Variants in SRD5A2 observed in about 807,000 individuals in gnomAD.
SRD5A2 encodes 3-oxo-5-alpha-steroid 4-dehydrogenase 2.
A neutral mutation model predicts 27.4 loss-of-function variants in SRD5A2; 30 were observed. The observed-to-expected ratio is 1.10, with a 90% CI of 0.82 to 1.49. SRD5A2 has a LOEUF of 1.49. SRD5A2 is among the 40% of genes most tolerant of loss of function. The pLI, the probability that SRD5A2 is intolerant of heterozygous loss-of-function variation, is 0.00. For synonymous variants in SRD5A2, 141 were observed against 133.6 expected (o/e 1.06, Z -0.38); for missense variants, 348 against 323.4 (o/e 1.08, Z -0.58).
At chr2:31,647,552 T>C in the SRD5A2 span, among the ~76,000 whole-genome samples, 1 of 152,240 alleles carries the variant, frequency 6.6e-6, no homozygotes, top group African/African-American at 2.4e-5. Context: ...TTTGATTTTA[T>C]TCCTTTTTGG....
the SRD5A2 span, among the ~76,000 whole-genome samples, chr2:31,613,519 T>G: frequency 6.6e-6 from 1 of 152,118 alleles, no homozygotes; most frequent in Non-Finnish European, 1.5e-5. Context: ...TGATAACAAA[T>G]GTTGAAAAGA....
the SRD5A2 span, chr2:31,651,266 T>TA: frequency 6.6e-6 from 1 of 152,518 alleles, no homozygotes; most frequent in African/African-American, 2.4e-5. Flanking sequence ...AAATCTAATC[T>TA]AAAAAAATTA....
chr2:31,588,834 T>A, the SRD5A2 span, among the ~76,000 whole-genome samples: 1 of 152,118 alleles, frequency 6.6e-6, no homozygotes, highest in Admixed American at 6.6e-5. Context: ...ATCATAACTA[T>A]ATCACAAAAT....
intron 1 of SRD5A2, chr2:31,563,212 T>C (rs1666662154): frequency 6.6e-6 from 1 of 151,836 alleles, no homozygotes; most frequent in Admixed American, 6.6e-5. Context: ...AGATGGAAAG[T>C]TTGGGGAAAA....
chr2:31,631,137 T>C, the SRD5A2 span, among the ~76,000 whole-genome samples: 1 of 152,198 alleles, frequency 6.6e-6, no homozygotes, highest in Non-Finnish European at 1.5e-5. Context: ...CAGTTGTTTA[T>C]GGGAGTGCAT....
chr2:31,592,017 A>G, the SRD5A2 span, among the ~76,000 whole-genome samples: 1 of 150,782 alleles, frequency 6.6e-6, no homozygotes, highest in South Asian at 2.1e-4. Context: ...CAGCACACCA[A>G]CATGGCACAT....
At chr2:31,544,951 TG>T (rs1200238677) in intron 1 of SRD5A2, among the ~76,000 whole-genome samples, 5 of 151,618 alleles carry the variant, frequency 3.3e-5, no homozygotes, top group African/African-American at 1.2e-4. Context: ...ATAACCTACA[TG>T]AAAAAGTTCA....
At chr2:31,635,613 T>C in the SRD5A2 span, among the ~76,000 whole-genome samples, 2 of 152,122 alleles carry the variant, frequency 1.3e-5, no homozygotes, top group African/African-American at 2.4e-5. Flanking sequence ...TGAGGTGTTA[T>C]GCCAAAAAAA....
the SRD5A2 span, among the ~76,000 whole-genome samples, chr2:31,629,280 G>T: frequency 6.6e-6 from 1 of 152,128 alleles, no homozygotes; most frequent in Non-Finnish European, 1.5e-5. Flanking sequence ...AATCCATGAG[G>T]CCAAGAACCC....
chr2:31,523,881 GA>G lies in SRD5A2; in HGVS notation c.*2314del, dbSNP rs1172684823. On this transcript the variant is annotated 3_prime_UTR_variant, in exon 5 of 5. Coordinates refer to ENST00000622030, the MANE Select transcript of SRD5A2 (RefSeq NM_000348.4). ...GAACACAACAGCCCTAGAACACTGAGAATACCTGAATTATCAAGGGAAGGTT... is the reference window on the plus strand; with the variant it reads ...GAACACAACAGCCCTAGAACACTGAGATACCTGAATTATCAAGGGAAGGTT... 9.1e-6 allele frequency: 2 copies of G among 219,366 alleles called. No homozygotes were observed. The highest frequency in any genetic ancestry group is 4.5e-5 in the African/African-American group (2 of 44,598). 13.6% of individuals were successfully genotyped at this position (219,366 alleles called of 1,614,324 possible).
At chr2:31,575,245 T>C (rs1400218513) in intron 1 of SRD5A2, among the ~76,000 whole-genome samples, 1 of 152,214 alleles carries the variant, frequency 6.6e-6, no homozygotes, top group African/African-American at 2.4e-5. Flanking sequence ...TTCTGAATAG[T>C]TGAGACATCT....
intron 1 of SRD5A2, among the ~76,000 whole-genome samples, chr2:31,567,985 A>G (rs888710124): frequency 2.6e-5 from 4 of 152,184 alleles, no homozygotes; most frequent in African/African-American, 9.6e-5. Context: ...GTGCACAGCC[A>G]GGCACACTGG....
At position 31,524,094 on chromosome 2, in the gene SRD5A2, G is replaced by GT. The variant is rs28383093; in HGVS notation, c.*2101dup. The stretch of plus-strand genomic sequence containing the variant: ...CAAAAAGTGAAATTGCCAAATGGCG[G>GT]TTTTGTCCTGAGACTGAGTACTGCC... On this transcript the variant is annotated 3_prime_UTR_variant, in exon 5 of 5. Transcript: ENST00000622030. 5.8e-3 allele frequency: 1,287 copies of GT among 222,942 alleles called. 15 individuals carry two copies. Among genetic ancestry groups the GT allele is most frequent in the African/African-American group, 0.027 (1,193 of 44,876 alleles). 13.8% of individuals were successfully genotyped at this position (222,942 alleles called of 1,614,324 possible).
At chr2:31,580,539 G>A (rs1030465983) in intron 1 of SRD5A2, 81 bp downstream of exon 1, 1 of 1,410,680 alleles carries the variant, frequency 7.1e-7, no homozygotes. Flanking sequence ...GCGTTCCTCG[G>A]TGCGCGCTCC....
At chr2:31,595,257 A>G in the SRD5A2 span, among the ~76,000 whole-genome samples, 2 of 152,190 alleles carry the variant, frequency 1.3e-5, no homozygotes, top group Non-Finnish European at 2.9e-5. Context: ...AAGATAAATG[A>G]AACAAAAAGT....
the SRD5A2 span, among the ~76,000 whole-genome samples, chr2:31,616,795 C>T: frequency 3.7e-3 from 569 of 152,240 alleles, 3 homozygotes; most frequent in African/African-American, 0.012. Flanking sequence ...GTTGGGAAGG[C>T]ATGATTGGTT....
the SRD5A2 span, among the ~76,000 whole-genome samples, chr2:31,648,334 C>T: frequency 1.3e-5 from 2 of 152,192 alleles, no homozygotes; most frequent in African/African-American, 2.4e-5. Context: ...TGAAGAGACA[C>T]AATTTTTTCA....
At chr2:31,595,113 GA>G in the SRD5A2 span, among the ~76,000 whole-genome samples, 1 of 151,990 alleles carries the variant, frequency 6.6e-6, no homozygotes, top group Non-Finnish European at 1.5e-5. Context: ...AAGTCTGAAA[GA>G]CCACAAATAG....
the SRD5A2 span, among the ~76,000 whole-genome samples, chr2:31,657,681 G>T: frequency 3.3e-5 from 5 of 152,104 alleles, no homozygotes; most frequent in African/African-American, 1.2e-4. Context: ...GAAAAAATTA[G>T]TGATAAATTC....
Sources: allele counts gnomAD v4.1 joint callset (sites outside exome capture counted in the v4.1 genomes callset), GRCh38; gene constraint gnomAD v4.1.1; transcripts MANE v1.5; gene names NCBI Gene and HGNC (gene_info 2026-07-23, HGNC 2026-07-21).